DOCK2: variants seen among roughly 807,000 people sequenced by gnomAD.
The protein encoded by DOCK2 is dedicator of cytokinesis 2.
DOCK2 carries 87 observed loss-of-function variants against 248.9 expected under a neutral mutation model. The observed-to-expected ratio is 0.35, with a 90% CI of 0.29 to 0.42. The LOEUF (loss-of-function observed/expected upper bound fraction) is 0.42. Ranked by LOEUF, DOCK2 falls within the 10% of genes least tolerant of loss-of-function variation. The pLI, the probability that DOCK2 is intolerant of heterozygous loss-of-function variation, is 1.00. For synonymous variants in DOCK2, 805 were observed against 821.6 expected (o/e 0.98, Z 0.35); for missense variants, 1,747 against 2,300.2 (o/e 0.76, Z 4.92).
intron 27 of DOCK2, among the ~76,000 whole-genome samples, chr5:169,916,540 C>T (rs986240340): frequency 2.6e-5 from 4 of 152,224 alleles, no homozygotes; most frequent in African/African-American, 7.2e-5. Flanking sequence ...GGGCAACCTT[C>T]CTGTGCCTCC....
At chr5:170,074,464 C>A (rs943292938) in intron 46 of DOCK2, among the ~76,000 whole-genome samples, 15 of 152,176 alleles carry the variant, frequency 9.9e-5, no homozygotes, top group Non-Finnish European at 1.5e-4. Context: ...AACTGGGTAG[C>A]ATTGCTGTGT....
intron 11 of DOCK2, 97 bp downstream of exon 11, chr5:169,698,546 A>G: frequency 1.5e-6 from 2 of 1,372,616 alleles, no homozygotes; most frequent in South Asian, 1.2e-5. Flanking sequence ...TGAGTTAGTG[A>G]TAGGCAGGTG....
At chr5:169,966,888 C>T (rs1255789164) in intron 27 of DOCK2, among the ~76,000 whole-genome samples, 15 of 152,302 alleles carry the variant, frequency 9.8e-5, no homozygotes, top group Non-Finnish European at 1.8e-4. Flanking sequence ...ACCTATTCAA[C>T]GAAAGAGAGC....
intron 33 of DOCK2, 72 bp downstream of exon 33, chr5:170,019,180 A>T: frequency 6.2e-7 from 1 of 1,603,904 alleles, no homozygotes; most frequent in Non-Finnish European, 8.5e-7. Flanking sequence ...TGATATCCTC[A>T]TTCCATCTCC....
chr5:169,860,199 A>G (rs1276425597), intron 27 of DOCK2, among the ~76,000 whole-genome samples: 2 of 151,888 alleles, frequency 1.3e-5, no homozygotes, highest in African/African-American at 4.8e-5. Context: ...AGCTCAAGCA[A>G]TCCTCCTACC....
At chr5:169,784,983 G>A (rs1022024541) in intron 25 of DOCK2, among the ~76,000 whole-genome samples, 2 of 152,182 alleles carry the variant, frequency 1.3e-5, no homozygotes, top group Non-Finnish European at 2.9e-5. Context: ...AAAGCTCTAA[G>A]CTCTATGAAG....
chr5:170,080,934 G>C (rs1758009012), intron 50 of DOCK2: 1 of 153,074 alleles, frequency 6.5e-6, no homozygotes, highest in African/African-American at 2.4e-5. Flanking sequence ...GAACAAGACA[G>C]GACCAGTGCT....
intron 27 of DOCK2, among the ~76,000 whole-genome samples, chr5:169,943,043 T>TTGGGC (rs2113709083): frequency 6.6e-6 from 1 of 152,326 alleles, no homozygotes; most frequent in East Asian, 1.9e-4. Flanking sequence ...TAGGAATGTG[T>TTGGGC]TGGGCTGGGC....
At chr5:169,948,673 G>T (rs1184882935) in intron 27 of DOCK2, among the ~76,000 whole-genome samples, 1 of 149,824 alleles carries the variant, frequency 6.7e-6, no homozygotes, top group Non-Finnish European at 1.5e-5. Context: ...GAGTGCAGTG[G>T]TGTGATTATG....
At chr5:169,965,553 T>A (rs1313208210) in intron 27 of DOCK2, among the ~76,000 whole-genome samples, 1 of 152,172 alleles carries the variant, frequency 6.6e-6, no homozygotes, top group Non-Finnish European at 1.5e-5. Flanking sequence ...TGGTTCCCAA[T>A]GTTTGCCACA....
intron 25 of DOCK2, among the ~76,000 whole-genome samples, chr5:169,774,255 TG>T (rs1765255104): frequency 1.3e-5 from 2 of 152,322 alleles, no homozygotes; most frequent in Middle Eastern, 6.8e-3. Context: ...CACTGTACTG[TG>T]GGGACTATTA....
intron 50 of DOCK2, chr5:170,080,636 G>A (rs1053662298): frequency 8.4e-6 from 2 of 236,858 alleles, no homozygotes; most frequent in Admixed American, 1.0e-4. Flanking sequence ...AAGACCTGTG[G>A]CTTCTTTGTG....
chr5:169,815,552 C>T (rs1437141845), intron 26 of DOCK2, among the ~76,000 whole-genome samples: 1 of 152,088 alleles, frequency 6.6e-6, no homozygotes, highest in Admixed American at 6.5e-5. Context: ...AATGGGGCAC[C>T]AAAAATTCAG....
intron 35 of DOCK2, among the ~76,000 whole-genome samples, chr5:170,034,959 G>C (rs1756271929): frequency 6.6e-6 from 1 of 152,188 alleles, no homozygotes. Context: ...ATTACATGGA[G>C]AAAATAATGG....
intron 29 of DOCK2, among the ~76,000 whole-genome samples, chr5:169,993,233 A>G (rs912479784): frequency 6.6e-6 from 1 of 152,218 alleles, no homozygotes; most frequent in Non-Finnish European, 1.5e-5. Flanking sequence ...TAACAAAACC[A>G]AAGAAATCTC....
intron 32 of DOCK2, among the ~76,000 whole-genome samples, chr5:170,013,167 T>C (rs559938377): frequency 1.5e-3 from 233 of 151,894 alleles, no homozygotes; most frequent in African/African-American, 5.5e-3. Flanking sequence ...GCAGGTATTC[T>C]AGGGGAGCAA....
intron 27 of DOCK2, among the ~76,000 whole-genome samples, chr5:169,866,801 C>A (rs1363392704): frequency 2.0e-5 from 3 of 152,200 alleles, no homozygotes; most frequent in Non-Finnish European, 2.9e-5. Context: ...TGCTCTCACA[C>A]CACAACAACC....
chr5:169,974,318 T>C (rs1160194353), intron 27 of DOCK2, among the ~76,000 whole-genome samples: 2 of 152,260 alleles, frequency 1.3e-5, no homozygotes, highest in Non-Finnish European at 2.9e-5. Flanking sequence ...CGATCATCAG[T>C]GTACTTTTTA....
Position 169,735,390 on chromosome 5 carries a change from A to G in DOCK2, c.2268-12006A>G, listed in dbSNP as rs994686581. On this transcript the variant is annotated intron_variant, in intron 22 of 51. Coordinates refer to ENST00000520908, the MANE Select transcript of DOCK2 (RefSeq NM_004946.3). ...GGCCTGTGCACTTGCTGTTCCTTCA[A>G]CCTGAACTGCTCTTCCCTCTCCTTC... 2.0e-5 allele frequency among the ~76,000 whole-genome samples: 3 copies of G among 151,980 alleles called. No individual in the cohort carries two copies. In the East Asian group the frequency reaches 5.8e-4, roughly 29 times the overall value.
Sources: gnomAD v4.1 joint callset for allele counts (sites outside exome capture counted in the v4.1 genomes callset) on GRCh38, gnomAD v4.1.1 for gene constraint, MANE v1.5 for transcripts, NCBI Gene and HGNC (gene_info 2026-07-23, HGNC 2026-07-21) for gene names.